The following COL27A1 variants were observed in gnomAD, a reference collection of about 807,000 sequenced individuals.
COL27A1 encodes the protein collagen alpha-1(XXVII) chain.
A neutral mutation model predicts 251.3 loss-of-function variants in COL27A1; 106 were observed. The ratio of observed to expected loss-of-function variants is 0.42; its 90% CI spans 0.36 to 0.50. COL27A1 has a LOEUF of 0.50. COL27A1 is among the 20% of genes least tolerant of loss of function. The pLI is 0.00. For missense variants in COL27A1, 2,325 were observed against 2,522.8 expected, an observed-to-expected ratio of 0.92 and a Z score of 1.68; for synonymous variants, 1,000 against 986.3, an observed-to-expected ratio of 1.01 and a Z score of -0.26.
chr9:114,213,821 G>A (rs1423902076), intron 12 of COL27A1, among the ~76,000 whole-genome samples: 2 of 152,156 alleles, frequency 1.3e-5, no homozygotes, highest in Non-Finnish European at 2.9e-5. Context: ...TCTGAGCCTT[G>A]CCAGACTGAG....
At chr9:114,304,317 G>A (rs1484390242) in intron 56 of COL27A1, among the ~76,000 whole-genome samples, 1 of 152,220 alleles carries the variant, frequency 6.6e-6, no homozygotes, top group Non-Finnish European at 1.5e-5. Flanking sequence ...GCACATATGA[G>A]GGAGAGGAAG....
chr9:114,198,992 A>C (rs1041840862), intron 7 of COL27A1, among the ~76,000 whole-genome samples: 1 of 152,180 alleles, frequency 6.6e-6, no homozygotes, highest in African/African-American at 2.4e-5. Context: ...TGAATAAATA[A>C]TGATCATGAT....
At chr9:114,270,662 A>C in intron 35 of COL27A1, 66 bp from the exon 36 acceptor site, 1 of 1,297,036 alleles carries the variant, frequency 7.7e-7, no homozygotes, top group Non-Finnish European at 1.1e-6. Flanking sequence ...GGGGGAAGAG[A>C]GGAAAAGCAC....
rs544915140 is a variant in COL27A1, at chr9:114,245,901, G to A, written c.2970G>A (p.Val990=). ...EPGDPGRPGP[V]GEQGFMGFIG... is the part of the protein sequence containing the mutation. ...GGGATCCTGGTCGGCCGGGGCCTGT[G>A]GGAGAGCAGGTTAGTTAGCAACGGT... The change falls in exon 24 of 61, where the codon GTG becomes GTA. Residue 990 remains valine (V), a synonymous_variant. Coordinates refer to ENST00000356083, the MANE Select transcript of COL27A1 (RefSeq NM_032888.4). 35 of 1,613,230 alleles carry A rather than the reference G, an allele frequency of 2.2e-5. 2 individuals are homozygous for A. In the South Asian group the frequency reaches 3.6e-4, roughly 17 times the overall value.
At chr9:114,261,215 G>C (rs1834309216) in intron 28 of COL27A1, among the ~76,000 whole-genome samples, 1 of 152,180 alleles carries the variant, frequency 6.6e-6, no homozygotes, top group Non-Finnish European at 1.5e-5. Context: ...CAGATTTTCT[G>C]TCCCAGGCAG....
chr9:114,279,612 G>A (rs1042968969), intron 37 of COL27A1, among the ~76,000 whole-genome samples: 3 of 152,222 alleles, frequency 2.0e-5, no homozygotes, highest in African/African-American at 7.2e-5. Context: ...GCCAAGGTGG[G>A]AGGATTGTTT....
intron 49 of COL27A1, among the ~76,000 whole-genome samples, chr9:114,299,504 C>A (rs1430049860): frequency 6.6e-6 from 1 of 152,194 alleles, no homozygotes; most frequent in Non-Finnish European, 1.5e-5. Flanking sequence ...TGGAATCGTT[C>A]ACACTGGGTT....
chr9:114,187,090 G>A (rs1017478010), intron 5 of COL27A1, among the ~76,000 whole-genome samples: 19 of 152,210 alleles, frequency 1.2e-4, no homozygotes, highest in African/African-American at 4.3e-4. Context: ...AAGGAGATGT[G>A]GTCAGCAGAG....
rs549850855 is a variant in COL27A1 at position 114,196,002 on chromosome 9, C to G, written c.2114C>G (p.Pro705Arg). 6.2e-7 allele frequency: 1 copy of G among 1,613,910 alleles called. No homozygotes were observed. The highest frequency in any genetic ancestry group is 1.3e-5 in the African/African-American group (1 of 74,908). ...GGGCTCTCCGGGAATCCAGGACCTC[C>G]GGGACGAAAGGTACTGTTTGGTTTT... ...LPGLSGNPGP[P>R]GRKGHKGYPG... is the part of the protein sequence containing the mutation. Residue 705 changes from proline to arginine, a missense_variant, in exon 7 of 61, where the codon CCG becomes CGG. This residue lies in a region of COL27A1 where 1,183 missense variants were observed against 1,144.1 expected (regional missense o/e 1.03). Transcript: ENST00000356083.
intron 12 of COL27A1, chr9:114,217,913 A>G (rs1031081049): frequency 2.2e-6 from 1 of 448,456 alleles, no homozygotes; most frequent in African/African-American, 2.0e-5. Flanking sequence ...CAGGAGTTCG[A>G]GACCAGCTTG....
In COL27A1 at chr9:114,310,596, A is replaced by G; in HGVS notation, c.5484A>G (p.Gln1828=). 1 of 1,614,188 alleles carries G rather than the reference A, an allele frequency of 6.2e-7. No individual in the cohort carries two copies. Among genetic ancestry groups the G allele is most frequent in the Non-Finnish European group, 8.5e-7 (1 of 1,180,034 alleles). ...AGACACTCTTCACCTTCCGGACCCA[A>G]GACCCCCAACAGCTGCCCATCATCA... ...WHQTLFTFRT[Q]DPQQLPIISV... The change falls in exon 61 of 61, where the codon CAA becomes CAG. Residue 1828 remains glutamine (Q), a synonymous_variant. Transcript: ENST00000356083.
At chr9:114,230,363 A>C (rs765484633) in intron 14 of COL27A1, among the ~76,000 whole-genome samples, 3 of 151,966 alleles carry the variant, frequency 2.0e-5, no homozygotes, top group African/African-American at 7.2e-5. Context: ...AGGCTTTGGA[A>C]AGGACAGGAG....
intron 5 of COL27A1, among the ~76,000 whole-genome samples, chr9:114,190,063 G>A (rs1348451482): frequency 2.0e-5 from 3 of 152,196 alleles, no homozygotes; most frequent in South Asian, 4.1e-4. Flanking sequence ...ATAGTGAGAG[G>A]CCTAGTGAAA....
chr9:114,155,096 C>T (rs1848044132), upstream of COL27A1, among the ~76,000 whole-genome samples: 2 of 142,440 alleles, frequency 1.4e-5, no homozygotes, highest in Admixed American at 1.4e-4. The surrounding 1 kb of genome is among the most constrained non-coding windows in gnomAD (Gnocchi z 5.5). Context: ...AGTCTGGGAG[C>T]GCAAACTTTT....
chr9:114,165,517 CCCAT>C (rs905520764), intron 2 of COL27A1, among the ~76,000 whole-genome samples: 2 of 150,330 alleles, frequency 1.3e-5, no homozygotes, highest in African/African-American at 2.5e-5. Context: ...CATCCACCCA[CCCAT>C]CCATCCATCC....
chr9:114,185,362 T>A (rs955911736), intron 5 of COL27A1, among the ~76,000 whole-genome samples: 3 of 152,250 alleles, frequency 2.0e-5, no homozygotes, highest in African/African-American at 7.2e-5. Context: ...GGAAATGTCA[T>A]GCCCTTTGCC....
At position 114,235,596 on chromosome 9, in the gene COL27A1, T is replaced by A; in HGVS notation, c.2566-3T>A. 1 of 1,613,350 alleles carries A rather than the reference T, an allele frequency of 6.2e-7. No homozygotes were observed. Among genetic ancestry groups the A allele is most frequent in the Non-Finnish European group, 8.5e-7 (1 of 1,179,302 alleles). On this transcript the variant is annotated splice_region_variant and splice_polypyrimidine_tract_variant and intron_variant, in intron 16 of 60. Coordinates refer to ENST00000356083, the MANE Select transcript of COL27A1 (RefSeq NM_032888.4). Reference sequence around the variant, plus strand: ...GTAACCTTCTTTGCTGGTGTGTACTTAGGGTGAACAAGGGGTTCCAGGTGT... The same window carrying A: ...GTAACCTTCTTTGCTGGTGTGTACTAAGGGTGAACAAGGGGTTCCAGGTGT...
At chr9:114,292,662 T>C (rs972068916) in intron 49 of COL27A1, among the ~76,000 whole-genome samples, 35 of 152,290 alleles carry the variant, frequency 2.3e-4, no homozygotes, top group Non-Finnish European at 4.0e-4. Context: ...ATTGTCAGAG[T>C]GGATGAAAAA....
chr9:114,269,492 G>A (rs1039542279), intron 35 of COL27A1, among the ~76,000 whole-genome samples, 198 bp downstream of exon 35: 1 of 151,518 alleles, frequency 6.6e-6, no homozygotes, highest in African/African-American at 2.4e-5. Flanking sequence ...TTTGTGGTCT[G>A]TAGTCCCAGC....
Sources: allele counts gnomAD v4.1 joint callset (sites outside exome capture counted in the v4.1 genomes callset), GRCh38; gene constraint gnomAD v4.1.1; regional missense constraint gnomAD v4.1.1; non-coding constraint Gnocchi (gnomAD v3.1); transcripts MANE v1.5; gene names NCBI Gene and HGNC (gene_info 2026-07-23, HGNC 2026-07-21).